SEMA3E: variants seen among roughly 807,000 people sequenced by gnomAD.
SEMA3E encodes the protein semaphorin 3E.
A neutral mutation model predicts 93.6 loss-of-function variants in SEMA3E; 49 were observed. The observed-to-expected ratio is 0.52, with a 90% CI of 0.42 to 0.66. SEMA3E has a LOEUF of 0.66. Among genes scored for constraint, SEMA3E ranks in the 30% least tolerant of loss-of-function variants. SEMA3E has a pLI of 0.00. For synonymous variants in SEMA3E, 363 were observed against 330.7 expected, an observed-to-expected ratio of 1.10 and a Z score of -1.06; for missense variants, 906 against 964.8, an observed-to-expected ratio of 0.94 and a Z score of 0.81.
intron 14 of SEMA3E, among the ~76,000 whole-genome samples, chr7:83,387,839 G>A (rs117135631): frequency 0.12 from 16,954 of 139,814 alleles, 1,037 homozygotes; most frequent in East Asian, 0.15. Flanking sequence ...TATATATAAC[G>A]TTATATATAT....
intron 1 of SEMA3E, chr7:83,641,275 G>A (rs575583422): frequency 4.7e-6 from 2 of 426,690 alleles, no homozygotes; most frequent in East Asian, 1.6e-4. Flanking sequence ...CACTTGATGA[G>A]CACTTGTTGA....
chr7:83,398,465 A>C (rs1451575765), intron 11 of SEMA3E, among the ~76,000 whole-genome samples: 1 of 152,190 alleles, frequency 6.6e-6, no homozygotes, highest in Non-Finnish European at 1.5e-5. Flanking sequence ...ACTATGAGTG[A>C]ATTTATGGCC....
At chr7:83,402,294 G>A (rs997585024) in intron 10 of SEMA3E, among the ~76,000 whole-genome samples, 2 of 152,008 alleles carry the variant, frequency 1.3e-5, no homozygotes, top group Non-Finnish European at 2.9e-5. Flanking sequence ...TGAAGAGGCT[G>A]AGAGGAATAC....
intron 16 of SEMA3E, chr7:83,371,542 C>A (rs1290866902): frequency 6.6e-6 from 1 of 152,054 alleles, no homozygotes; most frequent in Non-Finnish European, 1.5e-5. Context: ...TTAATAAAAG[C>A]TACAAGCGTA....
chr7:83,374,130 C>T (rs1794786888), intron 16 of SEMA3E, among the ~76,000 whole-genome samples: 2 of 147,472 alleles, frequency 1.4e-5, no homozygotes, highest in African/African-American at 5.0e-5. Flanking sequence ...TGCTTGAACC[C>T]AGGAGGCAGA....
rs369752666 is a variant in SEMA3E at position 83,532,536 on chromosome 7, C to T, written c.116-42262G>A. On this transcript the variant is annotated intron_variant, in intron 1 of 16. Coordinates refer to ENST00000643230, the MANE Select transcript of SEMA3E (RefSeq NM_012431.3). Reference sequence around the variant, plus strand: ...CTGTACAGTACAGCGGGATGTAACCCTTTCCTTAAGAAGAACGTAAAGACA... The same window carrying T: ...CTGTACAGTACAGCGGGATGTAACCTTTTCCTTAAGAAGAACGTAAAGACA... 1.5e-4 allele frequency among the ~76,000 whole-genome samples: 23 copies of T among 152,224 alleles called. No individual in the cohort carries two copies. In the East Asian group the frequency reaches 4.4e-3, roughly 29 times the overall value.
At chr7:83,635,218 A>G (rs1793858515) in intron 1 of SEMA3E, among the ~76,000 whole-genome samples, 1 of 151,668 alleles carries the variant, frequency 6.6e-6, no homozygotes, top group African/African-American at 2.4e-5. Flanking sequence ...TAGGATCAGG[A>G]AAAATAAGTT....
At chr7:83,372,848 C>T (rs1158203339) in intron 16 of SEMA3E, 1 of 152,066 alleles carries the variant, frequency 6.6e-6, no homozygotes, top group Admixed American at 6.6e-5. Context: ...ACTATAAATA[C>T]CCAAAAATAT....
At position 83,546,326 on chromosome 7, in the gene SEMA3E, G is replaced by GTC. The variant is rs1491052060; in HGVS notation, c.116-56053_116-56052insGA. On this transcript the variant is annotated intron_variant, in intron 1 of 16. Coordinates refer to ENST00000643230, the MANE Select transcript of SEMA3E (RefSeq NM_012431.3). ...TAAGATGCATTATAATAAGGGGTGTGTGTGTGTGTGTGTGTGTGTGTGTGT... is the reference window on the plus strand; with the variant it reads ...TAAGATGCATTATAATAAGGGGTGTGTCTGTGTGTGTGTGTGTGTGTGTGTGT... Among the ~76,000 whole-genome samples, 3 of 54,388 alleles carry GTC rather than the reference G, an allele frequency of 5.5e-5. No homozygotes were observed. The African/African-American group carries it at 6.0e-4, about 11-fold the overall frequency. 35.7% of individuals were successfully genotyped at this position (54,388 alleles called of 152,430 possible). A position where few individuals can be genotyped will look rare whatever the true frequency, so the allele number is the denominator to read the frequency against.
At chr7:83,596,419 C>T (rs1792873264) in intron 1 of SEMA3E, among the ~76,000 whole-genome samples, 1 of 152,008 alleles carries the variant, frequency 6.6e-6, no homozygotes, top group Non-Finnish European at 1.5e-5. Flanking sequence ...GTCACTGCTC[C>T]TAGGCTCTCA....
chr7:83,378,753 G>C (rs143749487), intron 16 of SEMA3E, among the ~76,000 whole-genome samples: 1 of 151,938 alleles, frequency 6.6e-6, no homozygotes, highest in African/African-American at 2.4e-5. Flanking sequence ...AAGCCATACA[G>C]CTCTGGAGGT....
chr7:83,601,631 T>C (rs768106414), intron 1 of SEMA3E, among the ~76,000 whole-genome samples: 2 of 152,130 alleles, frequency 1.3e-5, no homozygotes, highest in Non-Finnish European at 2.9e-5. Flanking sequence ...TAGCAATTAA[T>C]GTTGGTTAGC....
At chr7:83,547,009 A>T (rs1013770628) in intron 1 of SEMA3E, among the ~76,000 whole-genome samples, 1 of 152,096 alleles carries the variant, frequency 6.6e-6, no homozygotes, top group Non-Finnish European at 1.5e-5. Context: ...TGAAAATGAT[A>T]AGCAATGATA....
chr7:83,475,143 G>T (rs549625107), intron 2 of SEMA3E, among the ~76,000 whole-genome samples: 1 of 151,522 alleles, frequency 6.6e-6, no homozygotes, highest in Admixed American at 6.6e-5. Flanking sequence ...CATAACTTAC[G>T]AGATATAGGC....
At chr7:83,638,485 C>G (rs1488645790) in intron 1 of SEMA3E, among the ~76,000 whole-genome samples, 1 of 152,208 alleles carries the variant, frequency 6.6e-6, no homozygotes, top group Non-Finnish European at 1.5e-5. Context: ...ATAGCTACAT[C>G]ATGCTACAAT....
In SEMA3E at chr7:83,367,601, G is replaced by T; in HGVS notation, c.2313C>A (p.His771Gln). 6.2e-7 allele frequency: 1 copy of T among 1,614,090 alleles called. No individual in the cohort carries two copies. Among genetic ancestry groups the T allele is most frequent in the Non-Finnish European group, 8.5e-7 (1 of 1,179,974 alleles). Residue 771 changes from histidine to glutamine, a missense_variant, in exon 17 of 17, where the codon CAC becomes CAA. Coordinates refer to ENST00000643230, the MANE Select transcript of SEMA3E (RefSeq NM_012431.3). ...TCTCACCCCATCAGGAGTCCAGCGT[G>T]TGCCTGGGCAGGCGGTAATGCTCAG... ...SKPEHYRLPR[H>Q]TLDS
chr7:83,593,304 G>C (rs879615220), intron 1 of SEMA3E, among the ~76,000 whole-genome samples: 44,197 of 110,336 alleles, frequency 0.4, 7,458 homozygotes, highest in Middle Eastern at 0.55. Context: ...GTGTGTGTGT[G>C]TGTGTGTGTG....
At position 83,364,924 on chromosome 7, in the gene SEMA3E, C is replaced by T. The variant is rs1794643810; in HGVS notation, c.*2662G>A. The T allele has an allele frequency of 6.6e-6, 1 of 152,164 alleles. No individual in the cohort carries two copies. The highest frequency in any genetic ancestry group is 1.5e-5 in the Non-Finnish European group (1 of 68,038). 9.4% of individuals were successfully genotyped at this position (152,164 alleles called of 1,614,324 possible). A position where few individuals can be genotyped will look rare whatever the true frequency, so the allele number is the denominator to read the frequency against. On this transcript the variant is annotated 3_prime_UTR_variant, in exon 17 of 17. Transcript: ENST00000643230. ...TGTAGGTATCTAAGTATGTGCCCTC[C>T]CTGAGTTCAGAGAAGATCCATCCAT...
chr7:83,389,126 T>C (rs1787942419), intron 14 of SEMA3E, among the ~76,000 whole-genome samples: 2 of 152,102 alleles, frequency 1.3e-5, no homozygotes, highest in African/African-American at 4.8e-5. Context: ...AGATTGAAAA[T>C]AGAGCTTATG....
Sources: allele counts gnomAD v4.1 joint callset (sites outside exome capture counted in the v4.1 genomes callset), GRCh38; gene constraint gnomAD v4.1.1; transcripts MANE v1.5; gene names NCBI Gene and HGNC (gene_info 2026-07-23, HGNC 2026-07-21).